Variants in SCAF8 observed in about 807,000 individuals in gnomAD.
The protein encoded by SCAF8 is SR-related and CTD-associated factor 8.
A neutral mutation model predicts 140.5 loss-of-function variants in SCAF8; 23 were observed. That is an observed-to-expected ratio of 0.16 (90% CI 0.12 to 0.23). SCAF8 has a LOEUF of 0.23. Among genes scored for constraint, SCAF8 ranks in the 10% least tolerant of loss-of-function variants. The pLI, the probability that SCAF8 is intolerant of heterozygous loss-of-function variation, is 1.00. For missense variants in SCAF8, 1,397 were observed against 1,555.7 expected, an observed-to-expected ratio of 0.90 and a Z score of 1.72; for synonymous variants, 575 against 528.9, an observed-to-expected ratio of 1.09 and a Z score of -1.20.
chr6:154,733,995 G>A, intron 1 of SCAF8, 65 bp downstream of exon 1: 1 of 1,453,538 alleles, frequency 6.9e-7, no homozygotes, highest in Non-Finnish European at 9.1e-7. Context: ...TCGAGGCCGG[G>A]GCCCGGAGGG....
intron 7 of SCAF8, among the ~76,000 whole-genome samples, chr6:154,802,806 A>G (rs1363445913): frequency 8.5e-5 from 13 of 152,164 alleles, no homozygotes; most frequent in Non-Finnish European, 1.5e-5. Flanking sequence ...TGGACCTGCA[A>G]AAATTAAAAT....
At chr6:154,750,549 T>C (rs1488269575) in intron 1 of SCAF8, among the ~76,000 whole-genome samples, 1 of 152,238 alleles carries the variant, frequency 6.6e-6, no homozygotes, top group Non-Finnish European at 1.5e-5. Flanking sequence ...TTTTAAATTC[T>C]GCCTATACAA....
intron 1 of SCAF8, among the ~76,000 whole-genome samples, chr6:154,757,679 T>C (rs1779000327): frequency 6.6e-6 from 1 of 152,138 alleles, no homozygotes; most frequent in African/African-American, 2.4e-5. Context: ...TTTTCCAAAA[T>C]GGGTGGATTG....
chr6:154,776,114 A>G (rs1045689002), intron 2 of SCAF8, among the ~76,000 whole-genome samples: 6 of 152,046 alleles, frequency 3.9e-5, no homozygotes, highest in Non-Finnish European at 8.8e-5. Flanking sequence ...ACGTTGTTGC[A>G]TTGTTGACTA....
chr6:154,733,693 AG>A lies in SCAF8; in HGVS notation c.-207del. 7.7e-7 allele frequency: 1 copy of A among 1,301,240 alleles called. No individual in the cohort carries two copies. Among genetic ancestry groups the A allele is most frequent in the Non-Finnish European group, 9.7e-7 (1 of 1,028,912 alleles). 80.6% of individuals were successfully genotyped at this position (1,301,240 alleles called of 1,614,324 possible). ...CCTAGAACGGCGCTCCCCCCGCCCTAGCGGCCATGCCGGTGCCGCTCTGCCG... is the reference window on the plus strand; with the variant it reads ...CCTAGAACGGCGCTCCCCCCGCCCTACGGCCATGCCGGTGCCGCTCTGCCG... On this transcript the variant is annotated 5_prime_UTR_variant, in exon 1 of 20. Coordinates refer to ENST00000367178, the MANE Select transcript of SCAF8 (RefSeq NM_014892.5).
chr6:154,752,548 A>C (rs193108468), intron 1 of SCAF8, among the ~76,000 whole-genome samples: 2 of 152,158 alleles, frequency 1.3e-5, no homozygotes, highest in East Asian at 3.9e-4. Context: ...CATTGTGGAT[A>C]TCTCTGTTGC....
intron 6 of SCAF8, among the ~76,000 whole-genome samples, chr6:154,797,018 G>A (rs1183837515): frequency 6.6e-6 from 1 of 150,462 alleles, no homozygotes; most frequent in Admixed American, 6.6e-5. Context: ...TCTAGGGTTT[G>A]GTGTGTTCTG....
intron 18 of SCAF8, among the ~76,000 whole-genome samples, chr6:154,827,625 G>GT (rs1262207744): frequency 1.3e-5 from 2 of 152,020 alleles, no homozygotes; most frequent in African/African-American, 2.4e-5. Context: ...AATGGATTTG[G>GT]TTTTTTGCTT....
chr6:154,812,628 G>A (rs1433644521), intron 12 of SCAF8, among the ~76,000 whole-genome samples: 2 of 152,082 alleles, frequency 1.3e-5, no homozygotes, highest in African/African-American at 4.8e-5. Flanking sequence ...ATATGGTAGT[G>A]TTTTCATACG....
At chr6:154,802,275 C>T in intron 7 of SCAF8, 128 bp downstream of exon 7, 1 of 527,320 alleles carries the variant, frequency 1.9e-6, no homozygotes, top group East Asian at 3.6e-5. Flanking sequence ...ATAAGACAGT[C>T]TGAATTTTAC....
intron 1 of SCAF8, among the ~76,000 whole-genome samples, chr6:154,773,381 A>G (rs1195449438): frequency 2.6e-5 from 4 of 152,158 alleles, no homozygotes; most frequent in Admixed American, 6.6e-5. Context: ...AACATGTATC[A>G]GTACTTTTTT....
chr6:154,779,758 GGTGTGTGT>G (rs199543298), intron 3 of SCAF8, among the ~76,000 whole-genome samples: 59 of 147,506 alleles, frequency 4.0e-4, no homozygotes, highest in African/African-American at 1.4e-3. Flanking sequence ...GTTAAAATAA[GGTGTGTGT>G]GTGTGTGTGT....
intron 1 of SCAF8, among the ~76,000 whole-genome samples, chr6:154,769,160 A>C (rs1776666654): frequency 6.6e-6 from 1 of 152,166 alleles, no homozygotes; most frequent in South Asian, 2.1e-4. Context: ...AGCATTTGAA[A>C]CATAATGTAT....
chr6:154,781,195 T>A (rs927779669), intron 3 of SCAF8, among the ~76,000 whole-genome samples: 2 of 151,954 alleles, frequency 1.3e-5, no homozygotes, highest in African/African-American at 4.8e-5. Flanking sequence ...ACCAACAATA[T>A]ACACCAAGCA....
At chr6:154,745,433 G>T (rs1003172696) in intron 1 of SCAF8, among the ~76,000 whole-genome samples, 2 of 152,066 alleles carry the variant, frequency 1.3e-5, no homozygotes, top group Non-Finnish European at 2.9e-5. Flanking sequence ...GAGTGCAGTG[G>T]TGTGATCATG....
chr6:154,753,126 C>T (rs536458235), intron 1 of SCAF8, among the ~76,000 whole-genome samples: 255 of 151,596 alleles, frequency 1.7e-3, no homozygotes, highest in African/African-American at 5.7e-3. Context: ...GTCAGGAGTT[C>T]GAGACCAGCC....
At chr6:154,748,424 A>G (rs912324522) in intron 1 of SCAF8, among the ~76,000 whole-genome samples, 1 of 152,224 alleles carries the variant, frequency 6.6e-6, no homozygotes, top group Admixed American at 6.5e-5. Flanking sequence ...TATTTACTAA[A>G]TGTTAATAAA....
chr6:154,801,595 A>G (rs1426631882), intron 6 of SCAF8, among the ~76,000 whole-genome samples: 1 of 151,464 alleles, frequency 6.6e-6, no homozygotes, highest in Non-Finnish European at 1.5e-5. Flanking sequence ...ACGTGCTCAG[A>G]TGGTAATTCT....
At chr6:154,779,419 C>G (rs1777018174) in intron 3 of SCAF8, among the ~76,000 whole-genome samples, 1 of 152,148 alleles carries the variant, frequency 6.6e-6, no homozygotes. Context: ...AATGTGGATT[C>G]TAATTCACCG....
Sources: gnomAD v4.1 joint callset for allele counts (sites outside exome capture counted in the v4.1 genomes callset) on GRCh38, gnomAD v4.1.1 for gene constraint, MANE v1.5 for transcripts, NCBI Gene and HGNC (gene_info 2026-07-23, HGNC 2026-07-21) for gene names.